RGS6: variants seen among roughly 807,000 people sequenced by gnomAD.
RGS6 encodes the protein regulator of G-protein signaling 6.
RGS6 carries 30 observed loss-of-function variants against 78.5 expected under a neutral mutation model. The observed-to-expected ratio is 0.38, with a 90% CI of 0.29 to 0.52. The LOEUF (loss-of-function observed/expected upper bound fraction) is 0.52. Ranked by LOEUF, RGS6 falls within the 20% of genes least tolerant of loss-of-function variation. The pLI, the probability that RGS6 is intolerant of heterozygous loss-of-function variation, is 0.85. For missense variants in RGS6, 495 were observed against 609.7 expected, an observed-to-expected ratio of 0.81 and a Z score of 1.98; for synonymous variants, 206 against 206.0, an observed-to-expected ratio of 1.00 and a Z score of 0.00.
At chr14:72,004,299 G>T (rs2084089844) in intron 2 of RGS6, among the ~76,000 whole-genome samples, 1 of 152,158 alleles carries the variant, frequency 6.6e-6, no homozygotes, top group East Asian at 1.9e-4. Flanking sequence ...TGAATGGATG[G>T]TGCACCTGGG....
intron 2 of RGS6, among the ~76,000 whole-genome samples, chr14:71,975,884 C>T (rs1247744352): frequency 6.6e-6 from 1 of 152,048 alleles, no homozygotes; most frequent in Non-Finnish European, 1.5e-5. Flanking sequence ...GTTTCTTATG[C>T]TCTTTTCTGT....
At chr14:72,517,329 G>T (rs2096962125) in intron 14 of RGS6, among the ~76,000 whole-genome samples, 1 of 152,094 alleles carries the variant, frequency 6.6e-6, no homozygotes, top group Non-Finnish European at 1.5e-5. Context: ...CACTGATGGG[G>T]GAGCTGGCCT....
At chr14:72,480,855 C>T (rs778892817) in intron 12 of RGS6, among the ~76,000 whole-genome samples, 1 of 152,178 alleles carries the variant, frequency 6.6e-6, no homozygotes, top group Non-Finnish European at 1.5e-5. Flanking sequence ...ACCGCATCCC[C>T]CAGGAAAGGT....
At chr14:72,556,806 C>T (rs532283862) in intron 17 of RGS6, among the ~76,000 whole-genome samples, 3 of 152,262 alleles carry the variant, frequency 2.0e-5, no homozygotes, top group Admixed American at 2.0e-4. Flanking sequence ...TTTATTAATT[C>T]TTTAATCAGT....
intron 2 of RGS6, among the ~76,000 whole-genome samples, chr14:72,243,434 A>G (rs2053434474): frequency 6.6e-6 from 1 of 151,924 alleles, no homozygotes; most frequent in African/African-American, 2.4e-5. Context: ...ATTGAAAAGC[A>G]TGACAAGTGA....
chr14:72,540,589 G>C, intron 17 of RGS6: 19 of 1,513,204 alleles, frequency 1.3e-5, no homozygotes, highest in Non-Finnish European at 1.7e-5. Flanking sequence ...CTTTTGCTGT[G>C]TGCAGAAAGC....
intron 3 of RGS6, among the ~76,000 whole-genome samples, chr14:72,382,526 C>T (rs1315537592): frequency 6.6e-6 from 1 of 152,264 alleles, no homozygotes; most frequent in East Asian, 1.9e-4. Flanking sequence ...CATTGGAAAA[C>T]GTTGTGGTGA....
chr14:72,457,462 T>A (rs896729699), intron 4 of RGS6, among the ~76,000 whole-genome samples: 14 of 152,226 alleles, frequency 9.2e-5, no homozygotes, highest in Non-Finnish European at 2.9e-5. Flanking sequence ...ATCTAAATTC[T>A]TAACTTTTTT....
intron 2 of RGS6, among the ~76,000 whole-genome samples, chr14:72,249,853 A>G (rs1167793748): frequency 1.3e-5 from 2 of 152,096 alleles, no homozygotes; most frequent in South Asian, 2.1e-4. Context: ...ATGTCCAACA[A>G]TGATAGACTG....
chr14:72,169,754 A>C (rs181960836), intron 2 of RGS6, among the ~76,000 whole-genome samples: 248 of 152,284 alleles, frequency 1.6e-3, no homozygotes, highest in Non-Finnish European at 3.0e-3. Context: ...GAGGTGATAT[A>C]TTCTTGTCCA....
chr14:71,949,587 T>G (rs937146891), intron 1 of RGS6, among the ~76,000 whole-genome samples: 2 of 152,178 alleles, frequency 1.3e-5, no homozygotes, highest in African/African-American at 4.8e-5. Flanking sequence ...GCCTGTCATA[T>G]GTATTTAAAA....
intron 2 of RGS6, among the ~76,000 whole-genome samples, chr14:72,066,241 G>T (rs1596988431): frequency 6.6e-6 from 1 of 152,196 alleles, no homozygotes; most frequent in East Asian, 1.9e-4. Flanking sequence ...GGTCACTGGA[G>T]ATTTTGCTAT....
chr14:71,951,819 CT>C (rs1238508390), intron 1 of RGS6, among the ~76,000 whole-genome samples: 1 of 152,054 alleles, frequency 6.6e-6, no homozygotes. Flanking sequence ...TATTGCACAT[CT>C]TTTAAATATA....
At chr14:72,378,932 C>T (rs2085384845) in intron 3 of RGS6, among the ~76,000 whole-genome samples, 1 of 151,992 alleles carries the variant, frequency 6.6e-6, no homozygotes, top group Non-Finnish European at 1.5e-5. Flanking sequence ...ACACAAAAAT[C>T]CTCAACAAAA....
intron 15 of RGS6, among the ~76,000 whole-genome samples, chr14:72,528,766 T>C: frequency 6.6e-6 from 1 of 152,146 alleles, no homozygotes; most frequent in East Asian, 1.9e-4. Context: ...TCCATCCCCT[T>C]AGGAATTTAC....
intron 2 of RGS6, among the ~76,000 whole-genome samples, chr14:72,220,839 T>C (rs1459121240): frequency 6.6e-6 from 1 of 152,162 alleles, no homozygotes; most frequent in African/African-American, 2.4e-5. Flanking sequence ...ACAGGCTGCA[T>C]TGAAAGATTG....
intron 2 of RGS6, among the ~76,000 whole-genome samples, chr14:72,267,936 A>T (rs1301744368): frequency 6.6e-6 from 1 of 152,250 alleles, no homozygotes; most frequent in Non-Finnish European, 1.5e-5. Context: ...GAGACAGGGA[A>T]TGACACATAC....
intron 3 of RGS6, among the ~76,000 whole-genome samples, chr14:72,434,287 T>G (rs2094797613): frequency 6.6e-6 from 1 of 152,218 alleles, no homozygotes; most frequent in South Asian, 2.1e-4. Context: ...CGGTGAGCTC[T>G]GCTCTCACCT....
intron 2 of RGS6, among the ~76,000 whole-genome samples, chr14:72,315,989 A>C (rs1048736605): frequency 5.3e-5 from 8 of 152,172 alleles, no homozygotes; most frequent in African/African-American, 1.9e-4. Flanking sequence ...GCCCAAATAC[A>C]CAGTTCTGTC....
Sources: gnomAD v4.1 joint callset for allele counts (sites outside exome capture counted in the v4.1 genomes callset) on GRCh38, gnomAD v4.1.1 for gene constraint, MANE v1.5 for transcripts, NCBI Gene and HGNC (gene_info 2026-07-23, HGNC 2026-07-21) for gene names.